Variants in ADAMTS16 observed in about 807,000 individuals in gnomAD.
The protein encoded by ADAMTS16 is ADAM metallopeptidase with thrombospondin type 1 motif 16, also known as A disintegrin and metalloproteinase with thrombospondin motifs 16.
In ADAMTS16, 94 loss-of-function variants were observed where a neutral mutation model predicts 145.8. The observed-to-expected ratio is 0.64, with a 90% CI of 0.55 to 0.77. The LOEUF (loss-of-function observed/expected upper bound fraction) is 0.77. Ranked by LOEUF, ADAMTS16 falls within the 30% of genes least tolerant of loss-of-function variation. The pLI, the probability that ADAMTS16 is intolerant of heterozygous loss-of-function variation, is 0.00. For missense variants in ADAMTS16, 1,585 were observed against 1,591.5 expected, an observed-to-expected ratio of 1.00 and a Z score of 0.07; for synonymous variants, 659 against 604.3, an observed-to-expected ratio of 1.09 and a Z score of -1.33.
chr5:5,305,001 ACAC>A (rs1739987291), intron 20 of ADAMTS16, among the ~76,000 whole-genome samples: 2 of 87,720 alleles, frequency 2.3e-5, no homozygotes, highest in East Asian at 4.0e-4. Flanking sequence ...ACACACACAC[ACAC>A]ATCCCACACC....
In ADAMTS16 at chr5:5,188,838, G is replaced by T. The variant is rs529549235; in HGVS notation, c.1047+1030G>T. On this transcript the variant is annotated intron_variant, in intron 6 of 22. Transcript: ENST00000274181. ...GTGTGAGTGCGCAGTTGGGGAGGGG[G>T]TTGCTGAACATGCCGGGCTTCTCAG... is the stretch of plus-strand genomic sequence containing the variant. 5.9e-5 allele frequency among the ~76,000 whole-genome samples: 9 copies of T among 152,168 alleles called. No homozygotes were observed. In the South Asian group the frequency reaches 1.9e-3, roughly 32 times the overall value.
chr5:5,145,396 G>A (rs930615639), intron 2 of ADAMTS16, among the ~76,000 whole-genome samples: 10 of 152,118 alleles, frequency 6.6e-5, no homozygotes, highest in African/African-American at 2.4e-4. Flanking sequence ...TCACACACTG[G>A]GGGCTGCTGC....
intron 16 of ADAMTS16, 112 bp from the exon 17 acceptor site, chr5:5,241,941 T>C: frequency 7.7e-7 from 1 of 1,293,654 alleles, no homozygotes; most frequent in Non-Finnish European, 1.1e-6. Context: ...TTTATCATCA[T>C]AACAAACTTC....
At chr5:5,312,024 C>T (rs905858985) in intron 21 of ADAMTS16, among the ~76,000 whole-genome samples, 4 of 152,168 alleles carry the variant, frequency 2.6e-5, no homozygotes, top group East Asian at 3.9e-4. Flanking sequence ...GCCATCGGTT[C>T]GCTTCTTTAA....
intron 18 of ADAMTS16, among the ~76,000 whole-genome samples, chr5:5,294,700 GA>G (rs1477158206): frequency 2.0e-5 from 3 of 152,224 alleles, no homozygotes; most frequent in Non-Finnish European, 4.4e-5. Flanking sequence ...TGATACACAG[GA>G]GGGAGTAGCT....
intron 9 of ADAMTS16, among the ~76,000 whole-genome samples, chr5:5,201,442 T>A (rs762870011): frequency 6.6e-6 from 1 of 151,168 alleles, no homozygotes; most frequent in Non-Finnish European, 1.5e-5. Flanking sequence ...AGGAACTAGC[T>A]AGTTGTGATA....
chr5:5,230,030 T>C (rs1736878636), intron 11 of ADAMTS16, among the ~76,000 whole-genome samples: 2 of 152,122 alleles, frequency 1.3e-5, no homozygotes, highest in Admixed American at 1.3e-4. Flanking sequence ...CATGAAGCCA[T>C]CAATGGTGCA....
At chr5:5,163,060 C>G (rs1340585157) in intron 3 of ADAMTS16, among the ~76,000 whole-genome samples, 1 of 152,158 alleles carries the variant, frequency 6.6e-6, no homozygotes, top group Non-Finnish European at 1.5e-5. Context: ...TTCGTGGTAA[C>G]AGCCACCACT....
intron 18 of ADAMTS16, among the ~76,000 whole-genome samples, chr5:5,293,899 G>A (rs1739428627): frequency 1.3e-5 from 2 of 152,304 alleles, no homozygotes; most frequent in South Asian, 4.1e-4. Context: ...AACAGCTGAG[G>A]GGCCCTTTCC....
intron 18 of ADAMTS16, among the ~76,000 whole-genome samples, chr5:5,292,525 T>C (rs1739373380): frequency 6.7e-6 from 1 of 150,192 alleles, no homozygotes; most frequent in Non-Finnish European, 1.5e-5. Flanking sequence ...ATAATAATAA[T>C]AATTTTAAAA....
At chr5:5,183,021 T>C (rs1015915135) in intron 4 of ADAMTS16, among the ~76,000 whole-genome samples, 4 of 152,264 alleles carry the variant, frequency 2.6e-5, no homozygotes, top group Non-Finnish European at 2.9e-5. Context: ...GCACCCTGAA[T>C]AGAGGCAGGC....
At chr5:5,172,203 C>T (rs751589712) in intron 3 of ADAMTS16, among the ~76,000 whole-genome samples, 5 of 151,918 alleles carry the variant, frequency 3.3e-5, no homozygotes, top group East Asian at 1.9e-4. Flanking sequence ...ACCAACTTTT[C>T]GTTTTATTGA....
chr5:5,206,425 C>CAAAAA (rs1173829992), intron 9 of ADAMTS16, among the ~76,000 whole-genome samples: 11 of 39,422 alleles, frequency 2.8e-4, no homozygotes, highest in African/African-American at 3.5e-4. Flanking sequence ...GACTCCGTCT[C>CAAAAA]AAAAAAAAAA....
chr5:5,203,604 A>G (rs745734075), intron 9 of ADAMTS16, among the ~76,000 whole-genome samples: 6 of 152,198 alleles, frequency 3.9e-5, no homozygotes, highest in Non-Finnish European at 7.3e-5. Context: ...GAATTCATCA[A>G]CCTAGTCAAT....
chr5:5,166,500 G>C (rs1193538238), intron 3 of ADAMTS16, among the ~76,000 whole-genome samples: 1 of 152,214 alleles, frequency 6.6e-6, no homozygotes, highest in African/African-American at 2.4e-5. Context: ...CACTGGCCAG[G>C]GGGTGCAGGC....
intron 17 of ADAMTS16, among the ~76,000 whole-genome samples, chr5:5,262,195 G>C (rs959170379): frequency 1.3e-5 from 2 of 152,136 alleles, no homozygotes; most frequent in African/African-American, 4.8e-5. Context: ...GCATTCTCTG[G>C]TGACAAACTG....
At chr5:5,279,896 CTTTCT>C (rs1165710805) in intron 18 of ADAMTS16, among the ~76,000 whole-genome samples, 3 of 94,526 alleles carry the variant, frequency 3.2e-5, no homozygotes, top group African/African-American at 1.1e-4. Context: ...TTCCTTCCTT[CTTTCT>C]TTTCTTTTCT....
chr5:5,263,518 C>T (rs1233437549), intron 18 of ADAMTS16, among the ~76,000 whole-genome samples: 2 of 152,238 alleles, frequency 1.3e-5, no homozygotes, highest in African/African-American at 4.8e-5. Context: ...TGCCTCTCTA[C>T]TTGGCCTCCT....
At chr5:5,312,711 G>T (rs573655654) in intron 21 of ADAMTS16, among the ~76,000 whole-genome samples, 1 of 152,316 alleles carries the variant, frequency 6.6e-6, no homozygotes, top group East Asian at 1.9e-4. Context: ...GCCCACTTCG[G>T]CTTCCCAAAG....
Sources: gnomAD v4.1 joint callset for allele counts (sites outside exome capture counted in the v4.1 genomes callset) on GRCh38, gnomAD v4.1.1 for gene constraint, MANE v1.5 for transcripts, NCBI Gene and HGNC (gene_info 2026-07-23, HGNC 2026-07-21) for gene names.